Variants in ALDH1A3 observed in about 807,000 individuals in gnomAD.
The protein encoded by ALDH1A3 is aldehyde dehydrogenase 1 family member A3.
A neutral mutation model predicts 57.5 loss-of-function variants in ALDH1A3; 28 were observed. The observed-to-expected ratio is 0.49, with a 90% confidence interval of 0.36 to 0.67. The LOEUF is 0.67. Ranked by LOEUF, ALDH1A3 falls within the 30% of genes least tolerant of loss-of-function variation. ALDH1A3 has a pLI of 0.00. For synonymous variants in ALDH1A3, 281 were observed against 264.8 expected (o/e 1.06, Z -0.59); for missense variants, 507 against 669.4 (o/e 0.76, Z 2.68).
At chr15:100,890,938 A>G (rs1322329136) in intron 3 of ALDH1A3, among the ~76,000 whole-genome samples, 1 of 152,206 alleles carries the variant, frequency 6.6e-6, no homozygotes, top group Non-Finnish European at 1.5e-5. Flanking sequence ...AGTATACTTG[A>G]TGTCACACTG....
rs114048503 is a variant in ALDH1A3 at position 100,905,290 on chromosome 15, A to G, written c.1069-233A>G. On this transcript the variant is annotated intron_variant, in intron 9 of 12. Coordinates refer to ENST00000329841, the MANE Select transcript of ALDH1A3 (RefSeq NM_000693.4). ...GAGATAGAAGTGTAAATATGTCCCAAACCTCCAGAGGATGAGACTAGTCTA... is the reference window on the plus strand; with the variant it reads ...GAGATAGAAGTGTAAATATGTCCCAGACCTCCAGAGGATGAGACTAGTCTA... Among the ~76,000 whole-genome samples, 4 of 152,334 alleles carry G rather than the reference A, an allele frequency of 2.6e-5. No individual in the cohort carries two copies. The East Asian group carries it at 7.7e-4, about 29-fold the overall frequency.
Position 100,885,382 on chromosome 15 carries a change from A to T in ALDH1A3, c.204+11A>T. 4 of 1,578,974 alleles carry T rather than the reference A, an allele frequency of 2.5e-6. No individual in the cohort carries two copies. The highest frequency in any genetic ancestry group is 3.5e-6 in the Non-Finnish European group (4 of 1,148,346). On this transcript the variant is annotated intron_variant, in intron 2 of 12. Transcript: ENST00000329841. ...GAAGAAGGAGATAAGGTAAATACTT[A>T]AAATAAATTTGCTCTAAGTAATTCA...
chr15:100,905,790 T>A, intron 10 of ALDH1A3, 103 bp downstream of exon 10: 1 of 1,220,988 alleles, frequency 8.2e-7, no homozygotes, highest in Non-Finnish European at 1.1e-6. Context: ...CTGAGTGTTT[T>A]TTTGTTTTTG....
At position 100,914,808 on chromosome 15, in the gene ALDH1A3, G is replaced by T. The variant is rs79203665; in HGVS notation, c.*35G>T. 764 of 1,593,596 alleles carry T rather than the reference G, an allele frequency of 4.8e-4. 2 individuals carry two copies. The African/African-American group carries it at 8.4e-3, about 17-fold the overall frequency. ...GGGGCTCCTTCCTCAAACATCGGAC[G>T]GCGGAATGTGGCAGATGAAATGTGC... is the stretch of plus-strand genomic sequence containing the variant. On this transcript the variant is annotated 3_prime_UTR_variant, in exon 13 of 13. Transcript: ENST00000329841.
intron 8 of ALDH1A3, 127 bp downstream of exon 8, chr15:100,898,312 C>A: frequency 1.4e-6 from 1 of 728,698 alleles, no homozygotes; most frequent in Non-Finnish European, 2.2e-6. Context: ...GACGCTTCCA[C>A]CGTGGGCATC....
chr15:100,903,629 A>G (rs1344145083), intron 9 of ALDH1A3, among the ~76,000 whole-genome samples: 1 of 152,246 alleles, frequency 6.6e-6, no homozygotes, highest in East Asian at 1.9e-4. Context: ...ACCAACGTGT[A>G]TTCCTACTAA....
intron 12 of ALDH1A3, among the ~76,000 whole-genome samples, chr15:100,912,830 G>C (rs1347246917): frequency 6.6e-6 from 1 of 152,200 alleles, no homozygotes; most frequent in Non-Finnish European, 1.5e-5. Context: ...TCTCCAACTT[G>C]AGTATGCATC....
intron 9 of ALDH1A3, 55 bp downstream of exon 9, chr15:100,900,814 C>G: frequency 6.3e-7 from 1 of 1,578,378 alleles, no homozygotes; most frequent in Non-Finnish European, 8.6e-7. Flanking sequence ...CTGAAGCAGG[C>G]AGTCCCATGG....
In ALDH1A3 at chr15:100,900,660, G is replaced by A. The variant is rs2041757870; in HGVS notation, c.969G>A (p.Glu323=). The A allele has an allele frequency of 6.2e-7, 1 of 1,613,952 alleles. No homozygotes were observed. Among genetic ancestry groups the A allele is most frequent in the African/African-American group, 1.3e-5 (1 of 74,926 alleles). ...CGGCAGCCTCCAGGGTGTTCGTGGA[G>A]GAGCAGGTCTACTCTGAGTTTGTCA... ...CCTAASRVFV[E]EQVYSEFVRR... The change falls in exon 9 of 13, where the codon GAG becomes GAA. Residue 323 remains glutamate (E), a synonymous_variant. Coordinates refer to ENST00000329841, the MANE Select transcript of ALDH1A3 (RefSeq NM_000693.4).
Position 100,894,093 on chromosome 15 carries a change from C to CA in ALDH1A3, c.666+16dup. Reference sequence around the variant, plus strand: ...TCTCTGATCAAAGAGGTGAGACATCCAAAAAGAAAATATCACATGTTCTTG... The same window carrying CA: ...TCTCTGATCAAAGAGGTGAGACATCCAAAAAAGAAAATATCACATGTTCTTG... On this transcript the variant is annotated intron_variant, in intron 6 of 12. Transcript: ENST00000329841. This position sits in a 1 kb window ranked among gnomAD's most constrained non-coding sequence, Gnocchi z 4.5. 1 of 1,612,604 alleles carries CA rather than the reference C, an allele frequency of 6.2e-7. No homozygotes were observed. The highest frequency in any genetic ancestry group is 8.5e-7 in the Non-Finnish European group (1 of 1,179,528).
intron 6 of ALDH1A3, chr15:100,895,465 A>T (rs2041692289): frequency 6.4e-6 from 1 of 157,076 alleles, no homozygotes; most frequent in African/African-American, 2.4e-5. Context: ...AAAAAAAAAG[A>T]AGAAAAAACA....
intron 2 of ALDH1A3, 119 bp downstream of exon 2, chr15:100,885,490 T>C: frequency 1.4e-6 from 1 of 691,210 alleles, no homozygotes; most frequent in South Asian, 1.7e-5. Flanking sequence ...GGGCCTGGGC[T>C]AGCTGCGTGA....
At position 100,893,117 on chromosome 15, in the gene ALDH1A3, C is replaced by T. The variant is rs2041667563; in HGVS notation, c.537+111C>T. ...TTTATCTGATTGCACCAGCGTTGAA[C>T]AAGCATTTTCTTCGTGGCATGGAAC... On this transcript the variant is annotated intron_variant, in intron 5 of 12. Coordinates refer to ENST00000329841, the MANE Select transcript of ALDH1A3 (RefSeq NM_000693.4). The surrounding 1 kb of genome is among the most constrained non-coding windows in gnomAD (Gnocchi z 4.8). 5 of 972,220 alleles carry T rather than the reference C, an allele frequency of 5.1e-6. No homozygotes were observed. The highest frequency in any genetic ancestry group is 6.1e-6 in the Non-Finnish European group (4 of 659,580). 60.2% of individuals were successfully genotyped at this position (972,220 alleles called of 1,614,324 possible).
At position 100,915,817 on chromosome 15, in the gene ALDH1A3, G is replaced by A. The variant is rs1158160610; in HGVS notation, c.*1044G>A. 2 of 152,166 alleles carry A rather than the reference G, an allele frequency of 1.3e-5. No individual in the cohort carries two copies. Among genetic ancestry groups the A allele is most frequent in the Non-Finnish European group, 2.9e-5 (2 of 68,016 alleles). 9.4% of individuals were successfully genotyped at this position (152,166 alleles called of 1,614,324 possible). Reference sequence around the variant, plus strand: ...CTATTTTGATATTAATTTCTGATTAGTTAGTAAATAACACCTGGATTCTAT... The same window carrying A: ...CTATTTTGATATTAATTTCTGATTAATTAGTAAATAACACCTGGATTCTAT... On this transcript the variant is annotated 3_prime_UTR_variant, in exon 13 of 13. Coordinates refer to ENST00000329841, the MANE Select transcript of ALDH1A3 (RefSeq NM_000693.4).
intron 9 of ALDH1A3, 128 bp downstream of exon 9, chr15:100,900,887 C>A: frequency 9.5e-7 from 1 of 1,056,380 alleles, no homozygotes; most frequent in Non-Finnish European, 1.3e-6. Flanking sequence ...AGGAGGCTTT[C>A]TTTTCTTTAG....
chr15:100,880,418 G>A (rs1403842981), intron 1 of ALDH1A3: 1 of 368,098 alleles, frequency 2.7e-6, no homozygotes, highest in African/African-American at 2.1e-5. Context: ...GACGAGTCTG[G>A]CTTTGAGAGG....
At position 100,889,322 on chromosome 15, in the gene ALDH1A3, A is replaced by G. The variant is rs943558941; in HGVS notation, c.345+1610A>G. 4.6e-5 allele frequency among the ~76,000 whole-genome samples: 7 copies of G among 151,934 alleles called. No individual in the cohort carries two copies. Among genetic ancestry groups the G allele is most frequent in the Admixed American group, 4.6e-4 (7 of 15,272 alleles). On this transcript the variant is annotated intron_variant, in intron 3 of 12. Coordinates refer to ENST00000329841, the MANE Select transcript of ALDH1A3 (RefSeq NM_000693.4). This position sits in a 1 kb window ranked among gnomAD's most constrained non-coding sequence, Gnocchi z 5.1. Reference sequence around the variant, plus strand: ...TGAATGTGTTTCTCAGGGTGGAGGAACTCTCAGGCCGTACTCTTGGGTGCA... The same window carrying G: ...TGAATGTGTTTCTCAGGGTGGAGGAGCTCTCAGGCCGTACTCTTGGGTGCA...
intron 1 of ALDH1A3, among the ~76,000 whole-genome samples, chr15:100,882,319 C>T (rs1473686550): frequency 1.3e-5 from 2 of 152,176 alleles, no homozygotes; most frequent in Non-Finnish European, 2.9e-5. Flanking sequence ...GAGCTGAGAG[C>T]CCCTCCAGGG....
chr15:100,903,779 A>G (rs7170197), intron 9 of ALDH1A3, among the ~76,000 whole-genome samples: 70,333 of 152,136 alleles, frequency 0.46, 17,490 homozygotes, highest in South Asian at 0.67. Context: ...ATCTTATTAT[A>G]TATTTAAAAA....
Sources: gnomAD v4.1 joint callset for allele counts (sites outside exome capture counted in the v4.1 genomes callset) on GRCh38, gnomAD v4.1.1 for gene constraint, Gnocchi (gnomAD v3.1) non-coding constraint, MANE v1.5 for transcripts, NCBI Gene and HGNC (gene_info 2026-07-23, HGNC 2026-07-21) for gene names.